Variants in DBT observed in about 807,000 individuals in gnomAD.
The protein encoded by DBT is dihydrolipoamide branched chain transacylase E2, also known as lipoamide acyltransferase component of branched-chain alpha-keto acid dehydrogenase complex, mitochondrial.
DBT carries 40 observed loss-of-function variants against 51.3 expected under a neutral mutation model. That is an observed-to-expected ratio of 0.78 (90% confidence interval 0.61 to 1.02). The LOEUF (loss-of-function observed/expected upper bound fraction) is 1.02, where lower values mean the gene tolerates loss of function less well. Ranked by LOEUF, DBT falls within the 50% of genes least tolerant of loss-of-function variation. The pLI is 0.00. For synonymous variants in DBT, 181 were observed against 190.4 expected, an observed-to-expected ratio of 0.95 and a Z score of 0.41; for missense variants, 510 against 580.2, an observed-to-expected ratio of 0.88 and a Z score of 1.24.
At chr1:100,241,366 T>TTGTGTGTGTGTGTGTG (rs58256713) in intron 1 of DBT, among the ~76,000 whole-genome samples, 25 of 144,012 alleles carry the variant, frequency 1.7e-4, no homozygotes, top group Non-Finnish European at 2.9e-4. Flanking sequence ...CTGAAAGGTA[T>TTGTGTGTGTGTGTGTG]TGTGTGTGTG....
At chr1:100,228,116 C>G (rs1663328168) in intron 4 of DBT, among the ~76,000 whole-genome samples, 1 of 152,182 alleles carries the variant, frequency 6.6e-6, no homozygotes, top group African/African-American at 2.4e-5. Flanking sequence ...TCCCAAAGTG[C>G]TGGAATTACA....
At chr1:100,206,748 A>G (rs1661814979) in intron 8 of DBT, 112 bp from the exon 9 acceptor site, 1 of 731,904 alleles carries the variant, frequency 1.4e-6, no homozygotes, top group African/African-American at 1.8e-5. Flanking sequence ...TTTTTACCAG[A>G]TTGGTAGTGA....
chr1:100,196,121 A>G lies in DBT; in HGVS notation c.*134T>C. The G allele has an allele frequency of 2.5e-6, 2 of 812,348 alleles. No individual in the cohort carries two copies. The highest frequency in any genetic ancestry group is 4.1e-6 in the Non-Finnish European group (2 of 485,200). The allele number at this position is 812,348 out of a possible 1,614,324, so 50.3% of individuals were successfully genotyped here. ...AAAGTCTAATAGAACAGTGACAAAT[A>G]TTGTGCCTTAGATCCTTAATCATAC... On this transcript the variant is annotated 3_prime_UTR_variant, in exon 11 of 11. Transcript: ENST00000370132.
chr1:100,213,219 C>A, intron 7 of DBT: 1 of 819,354 alleles, frequency 1.2e-6, no homozygotes, highest in Non-Finnish European at 1.7e-6. Context: ...CCCGCGTCTG[C>A]CTCAGAGGGG....
At position 100,187,215 on chromosome 1, in the gene DBT, C is replaced by T. The variant is rs1309668456; in HGVS notation, c.*9040G>A. On this transcript the variant is annotated 3_prime_UTR_variant, in exon 11 of 11. Transcript: ENST00000370132. ...ATTGGGGGTAATTTAAACCCCAAATCGGAAGAATAGAATAAAAGACATAAA... is the reference window on the plus strand; with the variant it reads ...ATTGGGGGTAATTTAAACCCCAAATTGGAAGAATAGAATAAAAGACATAAA... 4 of 151,986 alleles carry T rather than the reference C, an allele frequency of 2.6e-5. No individual in the cohort carries two copies. The highest frequency in any genetic ancestry group is 2.1e-4 in the South Asian group (1 of 4,828). The allele number at this position is 151,986 out of a possible 1,614,324, so 9.4% of individuals were successfully genotyped here.
intron 8 of DBT, among the ~76,000 whole-genome samples, chr1:100,209,043 G>T (rs1353826526): frequency 6.6e-6 from 1 of 151,418 alleles, no homozygotes; most frequent in African/African-American, 2.4e-5. Flanking sequence ...GCTATCTTAG[G>T]GTCATGGAAT....
At chr1:100,233,652 G>A (rs565221009) in intron 3 of DBT, among the ~76,000 whole-genome samples, 54 of 152,306 alleles carry the variant, frequency 3.5e-4, no homozygotes, top group African/African-American at 1.2e-3. Flanking sequence ...ACACTCACCA[G>A]CAGTTTTGCC....
At chr1:100,229,015 A>T (rs1436908951) in intron 4 of DBT, among the ~76,000 whole-genome samples, 1 of 152,152 alleles carries the variant, frequency 6.6e-6, no homozygotes, top group Non-Finnish European at 1.5e-5. Flanking sequence ...CTGCTTTTAT[A>T]ATAATAAAAA....
At chr1:100,210,940 GC>G in intron 7 of DBT, 169 bp from the exon 8 acceptor site, 1 of 1,412,636 alleles carries the variant, frequency 7.1e-7, no homozygotes, top group Non-Finnish European at 9.7e-7. Flanking sequence ...TTACCTTCAG[GC>G]CATGTGGAAC....
intron 10 of DBT, among the ~76,000 whole-genome samples, chr1:100,197,451 T>C (rs1215361586): frequency 6.6e-6 from 1 of 152,182 alleles, no homozygotes; most frequent in East Asian, 1.9e-4. Context: ...GTTTTAGACA[T>C]GTTAAAATTC....
intron 10 of DBT, among the ~76,000 whole-genome samples, chr1:100,199,843 G>C (rs1570800169): frequency 6.6e-6 from 1 of 152,170 alleles, no homozygotes; most frequent in East Asian, 1.9e-4. Context: ...GGACCGTGCT[G>C]TGAGGGATGG....
At chr1:100,249,185 A>C in intron 1 of DBT, 1 of 724,688 alleles carries the variant, frequency 1.4e-6, no homozygotes, top group Non-Finnish European at 1.7e-6. Flanking sequence ...TAAGACTGGG[A>C]GAAAGAGAAG....
At position 100,218,798 on chromosome 1, in the gene DBT, T is replaced by TA. The variant is rs777115574; in HGVS notation, c.434-52dup. 74 of 1,465,210 alleles carry TA rather than the reference T, an allele frequency of 5.1e-5. 1 individual carries two copies. The highest frequency in any genetic ancestry group is 4.9e-4 in the Admixed American group (29 of 59,208). 90.8% of individuals were successfully genotyped at this position (1,465,210 alleles called of 1,614,324 possible). ...CAGTTGAAAAAAAATTTTTTTTTTT[T>TA]ACTAAGATGTAAAGTAAGGCCACTA... On this transcript the variant is annotated intron_variant, in intron 4 of 10. Coordinates refer to ENST00000370132, the MANE Select transcript of DBT (RefSeq NM_001918.5).
At chr1:100,222,411 T>C (rs1341535883) in intron 4 of DBT, among the ~76,000 whole-genome samples, 1 of 152,216 alleles carries the variant, frequency 6.6e-6, no homozygotes, top group Non-Finnish European at 1.5e-5. Flanking sequence ...GTCCCATTAC[T>C]CTAGATGCAA....
At chr1:100,205,454 A>G (rs534363725) in intron 10 of DBT, among the ~76,000 whole-genome samples, 88 of 152,310 alleles carry the variant, frequency 5.8e-4, no homozygotes, top group Admixed American at 1.8e-3. Context: ...GAAATAACAG[A>G]TGCTGGAGAG....
intron 7 of DBT, chr1:100,211,172 GA>G (rs780744688): frequency 6.5e-6 from 5 of 773,126 alleles, no homozygotes; most frequent in Non-Finnish European, 9.6e-6. Flanking sequence ...TCTCTGTGTG[GA>G]AAGAACACGT....
Position 100,210,754 on chromosome 1 carries a change from T to G in DBT, c.957A>C (p.Leu319Phe). ...AAGCGTTAAGGATAGGAAACTGTAG[T>G]AATCCCAAGGAAGCAGCCTGTTTAA... is the stretch of plus-strand genomic sequence containing the variant. ...PFFLKAASLG[L>F]LQFPILNASV... Residue 319 changes from leucine (L) to phenylalanine (F), a missense_variant, in exon 8 of 11, where the codon TTA becomes TTC. By Grantham distance (22) the Leu-to-Phe change is conservative. Transcript: ENST00000370132. The G allele has an allele frequency of 6.2e-7, 1 of 1,613,652 alleles. No individual in the cohort carries two copies. Among genetic ancestry groups the G allele is most frequent in the Non-Finnish European group, 8.5e-7 (1 of 1,179,626 alleles).
intron 3 of DBT, among the ~76,000 whole-genome samples, chr1:100,234,535 G>A (rs1663740073): frequency 6.6e-6 from 1 of 151,176 alleles, no homozygotes; most frequent in Admixed American, 6.6e-5. Flanking sequence ...GTCTTGAAAA[G>A]AAGGTATTAT....
chr1:100,210,092 G>C (rs188709593), intron 8 of DBT, among the ~76,000 whole-genome samples: 2 of 151,886 alleles, frequency 1.3e-5, no homozygotes, highest in Admixed American at 1.3e-4. Context: ...CAGGAGGATT[G>C]CTTAGACCAG....
Sources: allele counts gnomAD v4.1 joint callset (sites outside exome capture counted in the v4.1 genomes callset), GRCh38; gene constraint gnomAD v4.1.1; transcripts MANE v1.5; gene names NCBI Gene and HGNC (gene_info 2026-07-23, HGNC 2026-07-21).